The following KCNIP4 variants were observed in gnomAD, a reference collection of about 807,000 sequenced individuals.
The protein encoded by KCNIP4 is potassium voltage-gated channel interacting protein 4.
Under a neutral mutation model 34.0 loss-of-function variants are expected in KCNIP4, and 12 were observed. That is an observed-to-expected ratio of 0.35 (90% CI 0.23 to 0.57). The LOEUF is 0.57. Among genes scored for constraint, KCNIP4 ranks in the 20% least tolerant of loss-of-function variants. The probability of loss-of-function intolerance (pLI) is 0.83; values close to 1 mark genes in which losing one functional copy is unlikely to be tolerated. For synonymous variants in KCNIP4, 124 were observed against 102.2 expected (o/e 1.21, Z -1.29); for missense variants, 238 against 311.7 (o/e 0.76, Z 1.78).
chr4:21,073,102 T>G (rs1032090099), intron 1 of KCNIP4, among the ~76,000 whole-genome samples: 1 of 152,208 alleles, frequency 6.6e-6, no homozygotes, highest in Admixed American at 6.5e-5. Flanking sequence ...TTTGTTCTTT[T>G]GGCTTAGGAT....
At chr4:21,581,505 T>C (rs997587916) in intron 1 of KCNIP4, among the ~76,000 whole-genome samples, 1 of 151,998 alleles carries the variant, frequency 6.6e-6, no homozygotes, top group Non-Finnish European at 1.5e-5. Flanking sequence ...ATTCTGACTT[T>C]GCCAGTCTCA....
intron 1 of KCNIP4, among the ~76,000 whole-genome samples, chr4:20,891,724 G>T (rs1725936102): frequency 6.6e-6 from 1 of 152,170 alleles, no homozygotes; most frequent in African/African-American, 2.4e-5. Context: ...GCTGGGAATA[G>T]GGAGTACATT....
intron 3 of KCNIP4, among the ~76,000 whole-genome samples, chr4:20,840,958 G>T (rs1719644505): frequency 1.3e-5 from 2 of 152,268 alleles, no homozygotes; most frequent in South Asian, 2.1e-4. Flanking sequence ...TCTACCAGAT[G>T]GCGACTCTTG....
intron 1 of KCNIP4, among the ~76,000 whole-genome samples, chr4:21,761,526 T>A (rs1718053294): frequency 6.6e-6 from 1 of 152,070 alleles, no homozygotes; most frequent in Admixed American, 6.6e-5. Context: ...CTCTTTTTTT[T>A]ACAACCATCT....
At chr4:21,531,252 G>A (rs1232517755) in intron 1 of KCNIP4, among the ~76,000 whole-genome samples, 1 of 152,008 alleles carries the variant, frequency 6.6e-6, no homozygotes, top group Non-Finnish European at 1.5e-5. Flanking sequence ...AAATTGGGAA[G>A]TAGTTTTGAA....
At chr4:21,884,949 C>T (rs1316550884) in intron 1 of KCNIP4, among the ~76,000 whole-genome samples, 1 of 91,578 alleles carries the variant, frequency 1.1e-5, no homozygotes, top group Admixed American at 1.5e-4. Context: ...AGTACAGTAG[C>T]CTCCCCCCCA....
At chr4:21,767,683 C>T (rs1459376271) in intron 1 of KCNIP4, among the ~76,000 whole-genome samples, 3 of 151,724 alleles carry the variant, frequency 2.0e-5, no homozygotes, top group Admixed American at 6.6e-5. Flanking sequence ...ATATATAAAA[C>T]GTTAAATAAC....
At chr4:21,396,082 A>G (rs1004273588) in intron 1 of KCNIP4, among the ~76,000 whole-genome samples, 3 of 151,256 alleles carry the variant, frequency 2.0e-5, no homozygotes, top group African/African-American at 7.3e-5. Context: ...ATATACATAT[A>G]TAAGACTATG....
At chr4:20,849,451 T>C (rs573892520) in intron 3 of KCNIP4, among the ~76,000 whole-genome samples, 1 of 152,268 alleles carries the variant, frequency 6.6e-6, no homozygotes, top group African/African-American at 2.4e-5. Context: ...ACTACCGGTA[T>C]GAATTCTCTG....
chr4:21,769,754 C>T (rs1232463581), intron 1 of KCNIP4, among the ~76,000 whole-genome samples: 1 of 151,990 alleles, frequency 6.6e-6, no homozygotes, highest in Non-Finnish European at 1.5e-5. Context: ...TATAAGGAAT[C>T]CCTTATTATG....
intron 1 of KCNIP4, among the ~76,000 whole-genome samples, chr4:20,959,746 C>A (rs1213762088): frequency 1.3e-5 from 2 of 152,132 alleles, no homozygotes; most frequent in East Asian, 1.9e-4. Context: ...GAAACCTTAT[C>A]TTTAACGGAG....
chr4:21,037,682 C>T (rs1039636117), intron 1 of KCNIP4, among the ~76,000 whole-genome samples: 1 of 152,296 alleles, frequency 6.6e-6, no homozygotes, highest in Middle Eastern at 3.4e-3. Context: ...CAGTATCACA[C>T]GCGGTCTTTG....
chr4:21,102,481 C>T (rs140840638), intron 1 of KCNIP4, among the ~76,000 whole-genome samples: 37 of 152,170 alleles, frequency 2.4e-4, no homozygotes, highest in African/African-American at 7.5e-4. Flanking sequence ...AAGCAGAGCT[C>T]GTCCCATTGA....
chr4:21,125,592 G>A (rs774746131), intron 1 of KCNIP4, among the ~76,000 whole-genome samples: 1 of 152,120 alleles, frequency 6.6e-6, no homozygotes, highest in Non-Finnish European at 1.5e-5. Context: ...TAGAGTTAGA[G>A]CAATTGCATT....
chr4:21,272,651 C>A (rs1346053), intron 1 of KCNIP4, among the ~76,000 whole-genome samples: 66,789 of 151,996 alleles, frequency 0.44, 15,365 homozygotes, highest in South Asian at 0.57. Context: ...GTAAAGAAGA[C>A]TTAAGACAAG....
At chr4:21,299,723 G>T (rs558562601) in intron 1 of KCNIP4, among the ~76,000 whole-genome samples, 10 of 152,190 alleles carry the variant, frequency 6.6e-5, no homozygotes, top group Non-Finnish European at 1.3e-4. Flanking sequence ...TCCTTATTAA[G>T]CAACATGGTC....
At chr4:21,733,448 T>C (rs1715757435) in intron 1 of KCNIP4, among the ~76,000 whole-genome samples, 1 of 152,190 alleles carries the variant, frequency 6.6e-6, no homozygotes, top group Non-Finnish European at 1.5e-5. Flanking sequence ...CACACACATA[T>C]ACGCACCATG....
At chr4:21,331,412 G>GATATTGTCTC (rs1414380262) in intron 1 of KCNIP4, among the ~76,000 whole-genome samples, 1 of 151,892 alleles carries the variant, frequency 6.6e-6, no homozygotes, top group Non-Finnish European at 1.5e-5. Flanking sequence ...TGTTCCTGTT[G>GATATTGTCTC]ATATTGTCTC....
chr4:21,043,496 A>ATT (rs373193720), intron 1 of KCNIP4, among the ~76,000 whole-genome samples: 35 of 143,380 alleles, frequency 2.4e-4, no homozygotes, highest in Middle Eastern at 3.6e-3. Context: ...TGCCCAGCTA[A>ATT]TTTTTTTTTT....
Sources: gnomAD v4.1 joint callset for allele counts (sites outside exome capture counted in the v4.1 genomes callset) on GRCh38, gnomAD v4.1.1 for gene constraint, MANE v1.5 for transcripts, NCBI Gene and HGNC (gene_info 2026-07-23, HGNC 2026-07-21) for gene names.